Variants in NUP210L observed in about 807,000 individuals in gnomAD.
NUP210L encodes nucleoporin 210 like.
Under a neutral mutation model 208.5 loss-of-function variants are expected in NUP210L, and 74 were observed. The observed-to-expected ratio is 0.35, with a 90% CI of 0.29 to 0.43. The LOEUF (loss-of-function observed/expected upper bound fraction) is 0.43. Ranked by LOEUF, NUP210L falls within the 20% of genes least tolerant of loss-of-function variation. The pLI is 1.00. For synonymous variants in NUP210L, 780 were observed against 816.9 expected (o/e 0.95, Z 0.77); for missense variants, 1,843 against 2,289.4 (o/e 0.81, Z 3.98).
At chr1:154,050,354 A>C (rs186771711) in intron 25 of NUP210L, among the ~76,000 whole-genome samples, 11 of 152,352 alleles carry the variant, frequency 7.2e-5, no homozygotes, top group African/African-American at 2.6e-4. Flanking sequence ...GACAATTAAC[A>C]AAGGAGGCTG....
At chr1:154,006,594 A>G (rs1650536363) in intron 35 of NUP210L, among the ~76,000 whole-genome samples, 1 of 150,962 alleles carries the variant, frequency 6.6e-6, no homozygotes, top group African/African-American at 2.4e-5. Context: ...CCTGGGTTCA[A>G]GCAATTCTCC....
chr1:154,101,193 A>AT (rs1656455123), intron 13 of NUP210L, among the ~76,000 whole-genome samples: 4 of 143,292 alleles, frequency 2.8e-5, no homozygotes, highest in Non-Finnish European at 4.6e-5. Context: ...AAAAAAAAAA[A>AT]TTTGGCTGGG....
rs529269172 is a variant in NUP210L at position 154,066,963 on chromosome 1, C to CA, written c.2554+3309dup. ...AGGCAATAATTAATAGTCTACCAAC[C>CA]AAAAAAAGTCCAGGACCAGACGGAT... On this transcript the variant is annotated intron_variant, in intron 17 of 39. Transcript: ENST00000368559. Among the ~76,000 whole-genome samples, 8 of 152,068 alleles carry CA rather than the reference C, an allele frequency of 5.3e-5. No individual in the cohort carries two copies. In the East Asian group the frequency reaches 1.5e-3, roughly 29 times the overall value.
chr1:154,064,801 G>A (rs186974209), intron 17 of NUP210L, among the ~76,000 whole-genome samples: 15 of 152,252 alleles, frequency 9.9e-5, no homozygotes, highest in South Asian at 6.2e-4. Flanking sequence ...GGCACTGGGC[G>A]TGGTGGCTCA....
chr1:154,129,002 G>A (rs574497631), intron 8 of NUP210L, among the ~76,000 whole-genome samples: 10 of 152,238 alleles, frequency 6.6e-5, no homozygotes, highest in East Asian at 3.9e-4. Context: ...GCCTATGAGC[G>A]TTAAGATTCT....
chr1:153,996,697 A>C (rs1649887691), intron 37 of NUP210L, among the ~76,000 whole-genome samples: 1 of 152,158 alleles, frequency 6.6e-6, no homozygotes, highest in African/African-American at 2.4e-5. Context: ...CTGGAATTAC[A>C]GGCATGAGCC....
intron 33 of NUP210L, among the ~76,000 whole-genome samples, chr1:154,012,988 A>G (rs925126801): frequency 3.6e-5 from 5 of 140,138 alleles, no homozygotes; most frequent in African/African-American, 1.4e-4. Flanking sequence ...CCTGGGCAAC[A>G]AGAGTGAAAC....
intron 33 of NUP210L, among the ~76,000 whole-genome samples, chr1:154,016,532 A>G (rs1430959927): frequency 6.6e-6 from 1 of 151,628 alleles, no homozygotes; most frequent in Non-Finnish European, 1.5e-5. Flanking sequence ...CCAATCCACT[A>G]TTTCTCTCAT....
At chr1:154,052,593 T>C (rs1057079250) in intron 25 of NUP210L, among the ~76,000 whole-genome samples, 3 of 152,238 alleles carry the variant, frequency 2.0e-5, no homozygotes. Context: ...ATTATACTTA[T>C]TGGGCATATT....
At chr1:154,124,495 G>T (rs571836441) in intron 10 of NUP210L, among the ~76,000 whole-genome samples, 1 of 152,058 alleles carries the variant, frequency 6.6e-6, no homozygotes, top group Non-Finnish European at 1.5e-5. Flanking sequence ...CTCCATTTCT[G>T]TTGTTACACA....
intron 3 of NUP210L, among the ~76,000 whole-genome samples, chr1:154,142,253 A>AT (rs202144884): frequency 9.9e-5 from 15 of 151,422 alleles, no homozygotes; most frequent in African/African-American, 3.2e-4. Flanking sequence ...ATACATTATA[A>AT]TTTTTTTTTA....
At chr1:153,995,831 T>G (rs888368981) in intron 37 of NUP210L, 2 of 617,114 alleles carry the variant, frequency 3.2e-6, no homozygotes, top group East Asian at 3.5e-5. Flanking sequence ...CTTACGAGAT[T>G]GTCCAAAACA....
chr1:154,065,909 AAAAAAAAAAG>A (rs1654388619), intron 17 of NUP210L, among the ~76,000 whole-genome samples: 1 of 150,870 alleles, frequency 6.6e-6, no homozygotes, highest in Non-Finnish European at 1.5e-5. Flanking sequence ...AAAAAAAAAA[AAAAAAAAAAG>A]AAAGAAAGAA....
intron 29 of NUP210L, among the ~76,000 whole-genome samples, chr1:154,025,958 C>A (rs906643190): frequency 6.6e-6 from 1 of 151,850 alleles, no homozygotes; most frequent in Non-Finnish European, 1.5e-5. Context: ...TGTGGTGGCT[C>A]ATGTCTGTAA....
intron 28 of NUP210L, among the ~76,000 whole-genome samples, chr1:154,028,197 G>T (rs1339877554): frequency 6.6e-6 from 1 of 152,152 alleles, no homozygotes; most frequent in Non-Finnish European, 1.5e-5. Context: ...GAGCCATTTA[G>T]CTTTTAGCCC....
At chr1:154,117,856 T>C in exon 12 of NUP210L, 1 of 1,612,352 alleles carries the variant, frequency 6.2e-7, no homozygotes, top group South Asian at 1.1e-5. Context: ...GAAGTCCAGG[T>C]AAAGTTGCCA....
chr1:154,100,148 G>T lies in NUP210L; in HGVS notation c.1820-5C>A. On this transcript the variant is annotated splice_region_variant and splice_polypyrimidine_tract_variant and intron_variant, in intron 13 of 39. Transcript: ENST00000368559. ...TTGGTCCAGGTCTTTGAATACCTGT[G>T]AATCAAAAACCATGATTTTGGCAGG... The T allele has an allele frequency of 6.2e-7, 1 of 1,613,714 alleles. No individual in the cohort carries two copies. Among genetic ancestry groups the T allele is most frequent in the South Asian group, 1.1e-5 (1 of 91,030 alleles).
chr1:154,113,108 G>A lies in NUP210L; in HGVS notation c.1620+4617C>T, dbSNP rs377196318. On this transcript the variant is annotated intron_variant, in intron 12 of 39. Transcript: ENST00000368559. ...GGAGATGGAGGTTGTAATGAGCTGA[G>A]AGTGTACCACTGCACTCCAGCCGGG... is the stretch of plus-strand genomic sequence containing the variant. 9.9e-5 allele frequency among the ~76,000 whole-genome samples: 15 copies of A among 150,850 alleles called. No homozygotes were observed. The East Asian group carries it at 2.5e-3, about 25-fold the overall frequency.
At chr1:154,070,075 T>G (rs1447330445) in intron 17 of NUP210L, among the ~76,000 whole-genome samples, 198 bp downstream of exon 17, 3 of 151,992 alleles carry the variant, frequency 2.0e-5, no homozygotes, top group African/African-American at 7.2e-5. Flanking sequence ...GGGGGAGAGA[T>G]AGCATCAGGA....
Sources: allele counts gnomAD v4.1 joint callset (sites outside exome capture counted in the v4.1 genomes callset), GRCh38; gene constraint gnomAD v4.1.1; transcripts MANE v1.5; gene names NCBI Gene and HGNC (gene_info 2026-07-23, HGNC 2026-07-21).